The following MAF variants were observed in gnomAD, a reference collection of about 807,000 sequenced individuals.
MAF encodes the protein transcription factor Maf.
A neutral mutation model predicts 22.0 loss-of-function variants in MAF; 10 were observed. The ratio of observed to expected loss-of-function variants is 0.45; its 90% CI spans 0.28 to 0.77. The LOEUF is 0.77. MAF is among the 30% of genes least tolerant of loss of function. The pLI, the probability that MAF is intolerant of heterozygous loss-of-function variation, is 0.12. For synonymous variants in MAF, 337 were observed against 255.8 expected (o/e 1.32, Z -3.03); for missense variants, 544 against 548.4 (o/e 0.99, Z 0.08).
At chr16:79,506,211 C>T in the MAF span, among the ~76,000 whole-genome samples, 1 of 152,302 alleles carries the variant, frequency 6.6e-6, no homozygotes, top group Admixed American at 6.5e-5. Flanking sequence ...CAGCTATTGT[C>T]CCAAGTCCTT....
chr16:79,376,224 AC>A, the MAF span, among the ~76,000 whole-genome samples: 1 of 151,974 alleles, frequency 6.6e-6, no homozygotes, highest in Non-Finnish European at 1.5e-5. Context: ...TTTCCTGTTT[AC>A]TTGTTTTATT....
At chr16:79,579,507 A>C in the MAF span, among the ~76,000 whole-genome samples, 1 of 152,212 alleles carries the variant, frequency 6.6e-6, no homozygotes, top group Non-Finnish European at 1.5e-5. Flanking sequence ...GTTTACCGAT[A>C]CCAAACTTTG....
At chr16:79,371,656 C>T in the MAF span, among the ~76,000 whole-genome samples, 2 of 152,260 alleles carry the variant, frequency 1.3e-5, no homozygotes, top group East Asian at 1.9e-4. Flanking sequence ...CCTAAAAACC[C>T]TTCCCATGGT....
the MAF span, among the ~76,000 whole-genome samples, chr16:79,214,257 T>A: frequency 1.3e-5 from 2 of 152,208 alleles, no homozygotes; most frequent in Non-Finnish European, 2.9e-5. Flanking sequence ...AATTTGTCTG[T>A]TTTCTTCACA....
chr16:79,331,831 T>A, the MAF span, among the ~76,000 whole-genome samples: 2 of 152,178 alleles, frequency 1.3e-5, no homozygotes, highest in African/African-American at 4.8e-5. Flanking sequence ...AGAATGCTCC[T>A]CCTCAGATGC....
At chr16:79,309,673 A>C in the MAF span, among the ~76,000 whole-genome samples, 1 of 152,216 alleles carries the variant, frequency 6.6e-6, no homozygotes, top group Admixed American at 6.5e-5. Flanking sequence ...GAGGGAACGG[A>C]TGTCGAGTTG....
the MAF span, among the ~76,000 whole-genome samples, chr16:79,480,685 CA>C: frequency 6.6e-6 from 1 of 152,168 alleles, no homozygotes; most frequent in African/African-American, 2.4e-5. Context: ...ACAGAGCTGG[CA>C]TTGGACAGGG....
chr16:79,216,821 T>C, the MAF span, among the ~76,000 whole-genome samples: 1 of 151,870 alleles, frequency 6.6e-6, no homozygotes, highest in Non-Finnish European at 1.5e-5. Context: ...CTTTTTTTTT[T>C]TTTTTTGAGA....
chr16:79,212,735 A>C, the MAF span: 10 of 151,844 alleles, frequency 6.6e-5, no homozygotes, highest in African/African-American at 2.4e-4. Flanking sequence ...ATTTTTTAGA[A>C]AAGAAATCTA....
the MAF span, among the ~76,000 whole-genome samples, chr16:79,508,354 C>T: frequency 6.6e-6 from 1 of 152,082 alleles, no homozygotes; most frequent in African/African-American, 2.4e-5. Flanking sequence ...TATTCATTTC[C>T]CTGACTCCTT....
At chr16:79,512,102 G>C in the MAF span, among the ~76,000 whole-genome samples, 79 of 152,280 alleles carry the variant, frequency 5.2e-4, no homozygotes, top group African/African-American at 1.6e-3. Context: ...TACCTGTAGA[G>C]ACAGCCTGCT....
the MAF span, among the ~76,000 whole-genome samples, chr16:79,314,169 A>C: frequency 6.6e-6 from 1 of 152,138 alleles, no homozygotes; most frequent in Non-Finnish European, 1.5e-5. Flanking sequence ...GTTATTAATA[A>C]ATCCATGGCA....
chr16:79,565,101 A>G, the MAF span, among the ~76,000 whole-genome samples: 1 of 152,142 alleles, frequency 6.6e-6, no homozygotes, highest in Admixed American at 6.5e-5. Flanking sequence ...CTTACGGGAG[A>G]TAACTAGTCC....
At chr16:79,272,057 G>A in the MAF span, among the ~76,000 whole-genome samples, 2 of 152,250 alleles carry the variant, frequency 1.3e-5, no homozygotes, top group South Asian at 2.1e-4. Context: ...CGACAGGTAC[G>A]TGTGAGCCAA....
At chr16:79,437,366 G>A in the MAF span, among the ~76,000 whole-genome samples, 1 of 152,122 alleles carries the variant, frequency 6.6e-6, no homozygotes, top group Non-Finnish European at 1.5e-5. Context: ...AGGTGTAAGA[G>A]AACCCCAGGC....
the MAF span, among the ~76,000 whole-genome samples, chr16:79,544,247 T>G: frequency 2.6e-5 from 4 of 152,180 alleles, no homozygotes; most frequent in East Asian, 5.8e-4. Context: ...TAGATTTAAA[T>G]TAATTAAAAT....
chr16:79,372,483 G>T, the MAF span, among the ~76,000 whole-genome samples: 1 of 152,134 alleles, frequency 6.6e-6, no homozygotes, highest in Non-Finnish European at 1.5e-5. Context: ...AATATTAATA[G>T]ATATCTGAAA....
the MAF span, among the ~76,000 whole-genome samples, chr16:79,252,230 C>G: frequency 6.6e-6 from 1 of 151,874 alleles, no homozygotes; most frequent in African/African-American, 2.4e-5. Flanking sequence ...CCTCCCAACA[C>G]GAAAGCAGCC....
At chr16:79,208,435 C>G in the MAF span, among the ~76,000 whole-genome samples, 3 of 151,628 alleles carry the variant, frequency 2.0e-5, no homozygotes, top group Admixed American at 2.0e-4. Flanking sequence ...GTTTGTATGT[C>G]AAGGTATTAT....
Sources: allele counts gnomAD v4.1 joint callset (sites outside exome capture counted in the v4.1 genomes callset), GRCh38; gene constraint gnomAD v4.1.1; transcripts MANE v1.5; gene names NCBI Gene and HGNC (gene_info 2026-07-23, HGNC 2026-07-21).